The following GRM5 variants were observed in gnomAD, a reference collection of about 807,000 sequenced individuals.
GRM5 encodes glutamate metabotropic receptor 5, also known as metabotropic glutamate receptor 5.
In GRM5, 19 loss-of-function variants were observed where a neutral mutation model predicts 83.1. That is an observed-to-expected ratio of 0.23 (90% confidence interval 0.16 to 0.34). The LOEUF is 0.34. Among genes scored for constraint, GRM5 ranks in the 10% least tolerant of loss-of-function variants. The pLI is 1.00. For missense variants in GRM5, 1,160 were observed against 1,588.3 expected, an observed-to-expected ratio of 0.73 and a Z score of 4.58; for synonymous variants, 675 against 633.6, an observed-to-expected ratio of 1.07 and a Z score of -0.98.
intron 3 of GRM5, among the ~76,000 whole-genome samples, chr11:88,847,004 A>G (rs1446222809): frequency 2.0e-5 from 3 of 152,204 alleles, no homozygotes; most frequent in Non-Finnish European, 4.4e-5. Context: ...AGAAAAGTAC[A>G]CTGGATTATA....
At chr11:88,648,507 G>T (rs1189510330) in intron 4 of GRM5, among the ~76,000 whole-genome samples, 1 of 101,742 alleles carries the variant, frequency 9.8e-6, no homozygotes, top group Non-Finnish European at 2.0e-5. Flanking sequence ...CTGTGGTGGG[G>T]TGGGGGGAGG....
chr11:88,718,138 GAT>G (rs1322627403), intron 3 of GRM5, among the ~76,000 whole-genome samples: 1 of 151,792 alleles, frequency 6.6e-6, no homozygotes, highest in African/African-American at 2.4e-5. Context: ...CTCTCTGTAA[GAT>G]AAATTCTACT....
rs956593627 is a variant in GRM5 at position 88,829,262 on chromosome 11, A to T, written c.911+20644T>A. Among the ~76,000 whole-genome samples, 11 of 152,314 alleles carry T rather than the reference A, an allele frequency of 7.2e-5. No individual in the cohort carries two copies. In the East Asian group the frequency reaches 2.1e-3, roughly 29 times the overall value. On this transcript the variant is annotated intron_variant, in intron 3 of 9. Coordinates refer to ENST00000305447, the MANE Select transcript of GRM5 (RefSeq NM_001143831.3). ...GATCATTTGAGGCCAGGAGTCTGAG[A>T]CCAGCCTGGCCAATGTGGCAAAACC...
At chr11:88,757,682 A>T (rs1402451755) in intron 3 of GRM5, among the ~76,000 whole-genome samples, 1 of 152,114 alleles carries the variant, frequency 6.6e-6, no homozygotes, top group Non-Finnish European at 1.5e-5. Context: ...CCCCACTGCT[A>T]CGAATGCAAT....
chr11:88,548,664 C>G (rs751829262), intron 8 of GRM5, among the ~76,000 whole-genome samples: 2 of 152,126 alleles, frequency 1.3e-5, no homozygotes, highest in Non-Finnish European at 2.9e-5. Context: ...TACAACCTGC[C>G]AGATCTAAAT....
intron 3 of GRM5, among the ~76,000 whole-genome samples, chr11:88,738,647 C>A (rs938538682): frequency 2.0e-5 from 3 of 152,068 alleles, no homozygotes; most frequent in Non-Finnish European, 1.5e-5. Flanking sequence ...AATGGATATG[C>A]CCTGATCCTT....
chr11:89,022,442 A>G (rs1591055595), intron 2 of GRM5, among the ~76,000 whole-genome samples: 1 of 151,098 alleles, frequency 6.6e-6, no homozygotes, highest in African/African-American at 2.4e-5. Context: ...GGAGCTCGAG[A>G]CCAGCCTGGC....
chr11:88,680,664 T>C (rs966834582), intron 3 of GRM5, among the ~76,000 whole-genome samples: 3 of 152,202 alleles, frequency 2.0e-5, no homozygotes, highest in Admixed American at 6.5e-5. Context: ...CATGCTGCTA[T>C]AAAGACACAG....
intron 3 of GRM5, among the ~76,000 whole-genome samples, chr11:88,758,491 C>G (rs1942442833): frequency 6.6e-6 from 1 of 152,102 alleles, no homozygotes; most frequent in Admixed American, 6.6e-5. Context: ...GAAAGAACCT[C>G]AGAGCTTTAA....
At chr11:88,930,630 C>T (rs1167638180) in intron 2 of GRM5, among the ~76,000 whole-genome samples, 1 of 152,036 alleles carries the variant, frequency 6.6e-6, no homozygotes, top group African/African-American at 2.4e-5. Context: ...TCACTGCAAC[C>T]TCTGCCTCCT....
intron 8 of GRM5, among the ~76,000 whole-genome samples, chr11:88,553,608 A>G (rs1429836054): frequency 1.3e-5 from 2 of 152,276 alleles, no homozygotes; most frequent in East Asian, 1.9e-4. Flanking sequence ...ATTAAGATGG[A>G]TGGTATAGCA....
At chr11:88,538,331 A>C (rs1331121309) in intron 8 of GRM5, among the ~76,000 whole-genome samples, 2 of 152,182 alleles carry the variant, frequency 1.3e-5, no homozygotes, top group Non-Finnish European at 2.9e-5. Flanking sequence ...CTTTCCTTCA[A>C]CATTACTATT....
At chr11:88,740,096 G>A (rs1419861921) in intron 3 of GRM5, among the ~76,000 whole-genome samples, 1 of 151,972 alleles carries the variant, frequency 6.6e-6, no homozygotes, top group Admixed American at 6.6e-5. Context: ...TCCAGTATAA[G>A]TTTACTATTT....
intron 6 of GRM5, among the ~76,000 whole-genome samples, chr11:88,592,181 G>T (rs1937655374): frequency 6.6e-6 from 1 of 152,286 alleles, no homozygotes; most frequent in South Asian, 2.1e-4. Flanking sequence ...CCACTAAGTA[G>T]TTGTGCAGCC....
At chr11:88,627,144 A>G (rs2135265714) in intron 4 of GRM5, among the ~76,000 whole-genome samples, 1 of 152,344 alleles carries the variant, frequency 6.6e-6, no homozygotes, top group East Asian at 1.9e-4. Flanking sequence ...GAAAGTGAAG[A>G]AAGAGAGTTT....
At chr11:88,745,733 G>T (rs1292631252) in intron 3 of GRM5, among the ~76,000 whole-genome samples, 4 of 152,192 alleles carry the variant, frequency 2.6e-5, no homozygotes, top group Non-Finnish European at 4.4e-5. Context: ...TGTTGGCAGA[G>T]AAAATGTCAA....
At chr11:88,773,523 G>C (rs184615165) in intron 3 of GRM5, among the ~76,000 whole-genome samples, 89 of 152,230 alleles carry the variant, frequency 5.8e-4, no homozygotes, top group African/African-American at 2.0e-3. Flanking sequence ...TGAAACCCTT[G>C]CCCATGCCTA....
At chr11:88,844,389 C>CATAT (rs777826621) in intron 3 of GRM5, among the ~76,000 whole-genome samples, 4 of 145,266 alleles carry the variant, frequency 2.8e-5, no homozygotes, top group African/African-American at 1.1e-4. Flanking sequence ...CACACACACA[C>CATAT]ATATATATAT....
intron 2 of GRM5, among the ~76,000 whole-genome samples, chr11:88,966,268 T>G (rs1591003454): frequency 1.3e-5 from 2 of 152,162 alleles, no homozygotes; most frequent in East Asian, 1.9e-4. Context: ...CATTAAATGC[T>G]TATGAAAGAA....
Sources: gnomAD v4.1 joint callset for allele counts (sites outside exome capture counted in the v4.1 genomes callset) on GRCh38, gnomAD v4.1.1 for gene constraint, MANE v1.5 for transcripts, NCBI Gene and HGNC (gene_info 2026-07-23, HGNC 2026-07-21) for gene names.